Variants in SECISBP2 observed in about 807,000 individuals in gnomAD.
SECISBP2 encodes the protein selenocysteine insertion sequence-binding protein 2.
A neutral mutation model predicts 98.2 loss-of-function variants in SECISBP2; 96 were observed. That is an observed-to-expected ratio of 0.98 (90% CI 0.83 to 1.16). The LOEUF (loss-of-function observed/expected upper bound fraction) is 1.16, where lower values mean the gene tolerates loss of function less well. Ranked by LOEUF, SECISBP2 falls within the 50% of genes most tolerant of loss-of-function variation. The probability of loss-of-function intolerance (pLI) is 0.00; values close to 1 mark genes in which losing one functional copy is unlikely to be tolerated. For synonymous variants in SECISBP2, 407 were observed against 370.2 expected (o/e 1.10, Z -1.14); for missense variants, 1,046 against 1,022.9 (o/e 1.02, Z -0.31).
At chr9:89,357,973 C>T (rs1030862778) in intron 15 of SECISBP2, 26 bp from the exon 16 acceptor site, 13 of 1,611,174 alleles carry the variant, frequency 8.1e-6, no homozygotes, top group Admixed American at 3.3e-5. Context: ...TGGGATGTTA[C>T]CTGTGTGCTC....
chr9:89,365,897 A>C, the SECISBP2 span, among the ~76,000 whole-genome samples: 1 of 152,204 alleles, frequency 6.6e-6, no homozygotes, highest in Non-Finnish European at 1.5e-5. Context: ...TCCCTGCTTT[A>C]CTGACTGTGG....
At chr9:89,357,964 G>A (rs371874685) in intron 15 of SECISBP2, 35 bp from the exon 16 acceptor site, 1 of 1,609,690 alleles carries the variant, frequency 6.2e-7, no homozygotes, top group Non-Finnish European at 8.5e-7. Context: ...CTCTGTAGCT[G>A]GGATGTTACC....
At chr9:89,355,069 G>A in intron 14 of SECISBP2, 1 of 985,360 alleles carries the variant, frequency 1.0e-6, no homozygotes, top group Non-Finnish European at 1.2e-6. Context: ...GGTGTGGGCA[G>A]AATAAGGGCT....
chr9:89,363,730 G>C, downstream of SECISBP2: 8 of 1,610,168 alleles, frequency 5.0e-6, no homozygotes, highest in Non-Finnish European at 6.8e-6. Context: ...GTGGGCATGG[G>C]AATCACTTAC....
At chr9:89,354,023 A>G (rs1831687202) in intron 14 of SECISBP2, among the ~76,000 whole-genome samples, 1 of 152,204 alleles carries the variant, frequency 6.6e-6, no homozygotes, top group Non-Finnish European at 1.5e-5. Context: ...GAAGTACTGT[A>G]TTTGCTCTGA....
In SECISBP2 at chr9:89,339,944, G is replaced by A. The variant is rs1476810051; in HGVS notation, c.1293G>A (p.Gln431=). 1.9e-6 allele frequency: 3 copies of A among 1,609,898 alleles called. No individual in the cohort carries two copies. The highest frequency in any genetic ancestry group is 2.7e-5 in the African/African-American group (2 of 74,954). Residue 431 remains glutamine (Q), a synonymous_variant, in exon 9 of 17, where the codon CAG becomes CAA. Transcript: ENST00000375807. ...RIETPKFQSK[Q]QPQDNFKNNV... is the part of the protein sequence containing the mutation. Reference sequence around the variant, plus strand: ...AGACACCGAAATTTCAATCTAAGCAGCAGCCACAGGTAATTTTTAGATTGA... The same window carrying A: ...AGACACCGAAATTTCAATCTAAGCAACAGCCACAGGTAATTTTTAGATTGA...
Position 89,349,823 on chromosome 9 carries a change from A to G in SECISBP2, c.1786A>G (p.Lys596Glu), listed in dbSNP as rs761004986. Residue 596 changes from lysine to glutamate, a missense_variant, in exon 13 of 17, where the codon AAG becomes GAG. By Grantham distance (56) the Lys-to-Glu change is moderately conservative. Coordinates refer to ENST00000375807, the MANE Select transcript of SECISBP2 (RefSeq NM_024077.5). ...ELISTPSVED[K>E]SEEPPGTELQ... is the part of the protein sequence containing the mutation. ...GATCTCCACTCCTTCGGTTGAGGAC[A>G]AGTCTGAAGAGCCACCAGGCACAGA... 7 of 1,614,190 alleles carry G rather than the reference A, an allele frequency of 4.3e-6. No homozygotes were observed. Among genetic ancestry groups the G allele is most frequent in the Non-Finnish European group, 4.2e-6 (5 of 1,180,030 alleles).
At chr9:89,327,210 T>A in intron 4 of SECISBP2, among the ~76,000 whole-genome samples, 1 of 152,054 alleles carries the variant, frequency 6.6e-6, no homozygotes, top group Non-Finnish European at 1.5e-5. Context: ...ATAGGGCACT[T>A]ACCATGAATG....
chr9:89,354,102 T>A (rs746829482), intron 14 of SECISBP2, among the ~76,000 whole-genome samples: 3 of 152,294 alleles, frequency 2.0e-5, no homozygotes, highest in Non-Finnish European at 4.4e-5. Context: ...AGCATCTTGC[T>A]TGTTTGACAT....
chr9:89,349,337 C>T (rs552784544), intron 12 of SECISBP2, among the ~76,000 whole-genome samples: 6 of 152,192 alleles, frequency 3.9e-5, no homozygotes, highest in African/African-American at 1.2e-4. Context: ...TGTTGGAGTT[C>T]AGCTCTTTCT....
chr9:89,354,622 G>A (rs1292219415), intron 14 of SECISBP2, among the ~76,000 whole-genome samples: 1 of 152,168 alleles, frequency 6.6e-6, no homozygotes, highest in Non-Finnish European at 1.5e-5. Flanking sequence ...GCACACCATA[G>A]AGGCACAGTG....
At chr9:89,358,571 C>T in intron 16 of SECISBP2, 150 bp from the exon 17 acceptor site, 4 of 713,336 alleles carry the variant, frequency 5.6e-6, no homozygotes, top group South Asian at 4.5e-5. Context: ...AGGCTGAGAA[C>T]AGTGAGTGAA....
chr9:89,325,453 C>T lies in SECISBP2; in HGVS notation c.209C>T (p.Ala70Val). Residue 70 changes from alanine to valine, a missense_variant, in exon 3 of 17, where the codon GCC becomes GTC. Transcript: ENST00000375807. ...CAGAAAATATATACTGAAGACATGG[C>T]CTTTGGAGCTTCAACTTTTCCACCT... The part of the protein sequence containing the change: ...TEQKIYTEDM[A>V]FGASTFPPQY... 1.2e-6 allele frequency: 2 copies of T among 1,613,922 alleles called. No individual in the cohort carries two copies. The highest frequency in any genetic ancestry group is 1.7e-6 in the Non-Finnish European group (2 of 1,179,844).
At position 89,325,894 on chromosome 9, in the gene SECISBP2, C is replaced by CAGAAGAAAACCTATGATG; in HGVS notation, c.435_452dup. The CAGAAGAAAACCTATGATG allele has an allele frequency of 6.2e-7, 1 of 1,613,366 alleles. No homozygotes were observed. Among genetic ancestry groups the CAGAAGAAAACCTATGATG allele is most frequent in the Non-Finnish European group, 8.5e-7 (1 of 1,179,940 alleles). On this transcript the variant is annotated splice_polypyrimidine_tract_variant and splice_region_variant and intron_variant, in intron 3 of 16. Transcript: ENST00000375807. ...TCATGTTGCTTTTTAATCTTTCCTG[C>CAGAAGAAAACCTATGATG]AGAAGAAAACCTATGATGAGAAAAA... is the stretch of plus-strand genomic sequence containing the variant.
chr9:89,321,210 C>G (rs1825746553), intron 2 of SECISBP2, among the ~76,000 whole-genome samples: 1 of 152,100 alleles, frequency 6.6e-6, no homozygotes, highest in African/African-American at 2.4e-5. Flanking sequence ...TAACAAAATA[C>G]AAAAATATAT....
At position 89,346,918 on chromosome 9, in the gene SECISBP2, CA is replaced by C. The variant is rs770749040; in HGVS notation, c.1473del (p.Glu493ArgfsTer6). ...AVPVLSKECASGERGRRMSQM... is the reference protein window; with the variant it reads ...AVPVLSKECAXGERGRRMSQM... ...CCAGTCCTTTCCAAAGAATGTGCAT[CA>C]GGGGAGAGAGGCCGCCGCATGAGTC... is the stretch of plus-strand genomic sequence containing the variant. On this transcript the variant is annotated frameshift_variant, in exon 11 of 17. Transcript: ENST00000375807. LOFTEE classifies it high-confidence loss of function. 1.9e-6 allele frequency: 3 copies of C among 1,614,012 alleles called. No individual in the cohort carries two copies. Among genetic ancestry groups the C allele is most frequent in the Admixed American group, 1.7e-5 (1 of 59,998 alleles).
intron 5 of SECISBP2, chr9:89,329,480 G>C (rs1222810251): frequency 1.3e-5 from 2 of 150,732 alleles, no homozygotes; most frequent in African/African-American, 5.0e-5. Flanking sequence ...TGGGGAGGGA[G>C]TCTCACTGTG....
chr9:89,360,905 T>C (rs1323300125), downstream of SECISBP2: 1 of 152,172 alleles, frequency 6.6e-6, no homozygotes, highest in Non-Finnish European at 1.5e-5. Flanking sequence ...TTCAAGTATG[T>C]AATTATTTTG....
chr9:89,363,562 T>TGTGGGC (rs1263535846), downstream of SECISBP2: 1 of 1,612,562 alleles, frequency 6.2e-7, no homozygotes, highest in Non-Finnish European at 8.5e-7. Flanking sequence ...GTCAAAGCTC[T>TGTGGGC]GTGGGCCTTT....
Sources: allele counts gnomAD v4.1 joint callset (sites outside exome capture counted in the v4.1 genomes callset), GRCh38; gene constraint gnomAD v4.1.1; transcripts MANE v1.5; gene names NCBI Gene and HGNC (gene_info 2026-07-23, HGNC 2026-07-21).